CACNA1G: variants seen among roughly 807,000 people sequenced by gnomAD.
CACNA1G encodes the protein calcium voltage-gated channel subunit alpha1 G, also known as voltage-dependent T-type calcium channel subunit alpha-1G.
In CACNA1G, 67 loss-of-function variants were observed where a neutral mutation model predicts 219.4. The observed-to-expected ratio is 0.31, with a 90% CI of 0.25 to 0.37. The LOEUF is 0.37. CACNA1G is among the 10% of genes least tolerant of loss of function. The probability of loss-of-function intolerance (pLI) is 1.00; values close to 1 mark genes in which losing one functional copy is unlikely to be tolerated. For missense variants in CACNA1G, 2,380 were observed against 3,231.4 expected (o/e 0.74, Z 6.39); for synonymous variants, 1,296 against 1,345.3 (o/e 0.96, Z 0.80).
chr17:50,612,604 C>T (rs917009782), intron 26 of CACNA1G, among the ~76,000 whole-genome samples: 2 of 152,228 alleles, frequency 1.3e-5, no homozygotes, highest in African/African-American at 4.8e-5. Context: ...TTGGGAGTGA[C>T]CCCTGTCTTC....
chr17:50,584,600 G>A (rs2042629967), intron 9 of CACNA1G, among the ~76,000 whole-genome samples: 1 of 151,614 alleles, frequency 6.6e-6, no homozygotes, highest in Admixed American at 6.6e-5. Context: ...GGAGCCGGGG[G>A]CGGGGGTAGG....
chr17:50,617,599 T>C lies in CACNA1G; in HGVS notation c.5155+28T>C. 6.2e-7 allele frequency: 1 copy of C among 1,609,316 alleles called. No individual in the cohort carries two copies. The highest frequency in any genetic ancestry group is 8.5e-7 in the Non-Finnish European group (1 of 1,176,940). On this transcript the variant is annotated intron_variant, in intron 29 of 37. Transcript: ENST00000359106. The surrounding 1 kb of genome is among the most constrained non-coding windows in gnomAD (Gnocchi z 5.8). The stretch of plus-strand genomic sequence containing the variant: ...TGGTGCCCAGCCCACGCACCTGCCC[T>C]CCTAGGGTGACCAGCCCAGGGAGAG...
chr17:50,607,086 A>G, intron 24 of CACNA1G, 97 bp downstream of exon 24: 4 of 937,336 alleles, frequency 4.3e-6, no homozygotes, highest in South Asian at 2.7e-5. Context: ...GCAAAATGCC[A>G]TGAAAGAAGC....
intron 28 of CACNA1G, among the ~76,000 whole-genome samples, chr17:50,616,635 CCT>C (rs1344142878): frequency 3.3e-5 from 5 of 152,148 alleles, no homozygotes; most frequent in Non-Finnish European, 7.3e-5. Flanking sequence ...ATCAGTGTGA[CCT>C]AGCCTGGGGC....
intron 8 of CACNA1G, 146 bp downstream of exon 8, chr17:50,576,472 C>T: frequency 1.3e-6 from 1 of 761,044 alleles, no homozygotes; most frequent in Non-Finnish European, 2.2e-6. Flanking sequence ...CAACCAGTCA[C>T]ATCCCTGCTA....
intron 9 of CACNA1G, among the ~76,000 whole-genome samples, chr17:50,581,598 C>T (rs866840513): frequency 2.6e-5 from 4 of 152,214 alleles, no homozygotes; most frequent in South Asian, 2.1e-4. Context: ...ATATGTGATA[C>T]CCCACCCCGC....
chr17:50,568,254 A>G (rs1473286242), intron 1 of CACNA1G, among the ~76,000 whole-genome samples: 1 of 152,084 alleles, frequency 6.6e-6, no homozygotes, highest in Non-Finnish European at 1.5e-5. Flanking sequence ...ATCATAGATC[A>G]GGAGCTTGGA....
intron 35 of CACNA1G, 96 bp from the exon 36 acceptor site, chr17:50,623,811 C>T (rs923125318): frequency 2.4e-5 from 31 of 1,309,478 alleles, no homozygotes; most frequent in Non-Finnish European, 3.0e-5. Context: ...GAGGGCTGGG[C>T]GGGGGGCGCT....
intron 7 of CACNA1G, 58 bp downstream of exon 7, chr17:50,573,171 C>A: frequency 7.8e-7 from 1 of 1,275,828 alleles, no homozygotes; most frequent in Non-Finnish European, 1.1e-6. Context: ...CCTGTGGGGG[C>A]AGTCCAGAGA....
chr17:50,589,936 G>C (rs1266313315), intron 9 of CACNA1G, among the ~76,000 whole-genome samples: 1 of 151,990 alleles, frequency 6.6e-6, no homozygotes, highest in Non-Finnish European at 1.5e-5. Flanking sequence ...GTGTGTGTGT[G>C]TGTGTGTGTG....
intron 9 of CACNA1G, among the ~76,000 whole-genome samples, chr17:50,587,923 C>T (rs734577): frequency 2.0e-5 from 3 of 151,834 alleles, no homozygotes; most frequent in Admixed American, 2.0e-4. Context: ...CTGAGAGCCC[C>T]GTGGATAACA....
At chr17:50,575,148 T>C (rs1271822591) in intron 7 of CACNA1G, among the ~76,000 whole-genome samples, 1 of 152,204 alleles carries the variant, frequency 6.6e-6, no homozygotes, top group African/African-American at 2.4e-5. Context: ...TTCCACAGCA[T>C]TCGCTACTCC....
Position 50,590,530 on chromosome 17 carries a change from C to A in CACNA1G, c.2361C>A (p.Ala787=). 2 of 1,613,934 alleles carry A rather than the reference C, an allele frequency of 1.2e-6. No individual in the cohort carries two copies. Among genetic ancestry groups the A allele is most frequent in the Non-Finnish European group, 1.7e-6 (2 of 1,179,846 alleles). Residue 787 remains alanine (A), a synonymous_variant, in exon 10 of 38, where the codon GCC becomes GCA. Coordinates refer to ENST00000359106, the MANE Select transcript of CACNA1G (RefSeq NM_018896.5). ...ACATCGTCTTCACCAGCCTCTTTGC[C>A]CTGGAGATGCTGCTGAAGCTGCTTG... ...ISNIVFTSLF[A]LEMLLKLLVY...
intron 26 of CACNA1G, among the ~76,000 whole-genome samples, chr17:50,614,598 T>C (rs2050019716): frequency 6.6e-6 from 1 of 152,246 alleles, no homozygotes; most frequent in South Asian, 2.1e-4. Context: ...AGAAATATTA[T>C]GCCTCTGACA....
Position 50,626,542 on chromosome 17 carries a change from C to A in CACNA1G, c.6925C>A (p.Pro2309Thr). The change falls in exon 38 of 38, where the codon CCT becomes ACT. Residue 2309 changes from proline (P) to threonine (T), a missense_variant. Transcript: ENST00000359106. The surrounding 1 kb of genome is among the most constrained non-coding windows in gnomAD (Gnocchi z 4.3). Reference sequence around the variant, plus strand: ...CCGGCCCAAGAAAAAACTCAGCCCGCCTAGTATCACCATAGACCCCCCCGA... The same window carrying A: ...CCGGCCCAAGAAAAAACTCAGCCCGACTAGTATCACCATAGACCCCCCCGA... ...GSRPKKKLSPPSITIDPPESQ... is the reference protein window; with the variant it reads ...GSRPKKKLSPTSITIDPPESQ... 1 of 1,577,908 alleles carries A rather than the reference C, an allele frequency of 6.3e-7. No individual in the cohort carries two copies. The highest frequency in any genetic ancestry group is 1.9e-5 in the Admixed American group (1 of 53,670).
At chr17:50,589,912 CTGTGTGTGTGTG>C (rs58484176) in intron 9 of CACNA1G, among the ~76,000 whole-genome samples, 7 of 141,836 alleles carry the variant, frequency 4.9e-5, no homozygotes, top group South Asian at 4.4e-4. Context: ...CTCTCTCTCT[CTGTGTGTGTGTG>C]TGTGTGTGTG....
chr17:50,607,363 G>C, intron 24 of CACNA1G: 3 of 363,678 alleles, frequency 8.2e-6, no homozygotes, highest in Non-Finnish European at 1.6e-5. Flanking sequence ...ACAATTAGCC[G>C]GGTGTGGTGG....
At chr17:50,587,800 C>A (rs1441890773) in intron 9 of CACNA1G, among the ~76,000 whole-genome samples, 1 of 152,016 alleles carries the variant, frequency 6.6e-6, no homozygotes, top group Non-Finnish European at 1.5e-5. Flanking sequence ...TGAGGCAAGC[C>A]TTATGGGACG....
chr17:50,564,519 G>C (rs1276409461), intron 1 of CACNA1G, among the ~76,000 whole-genome samples: 10 of 146,310 alleles, frequency 6.8e-5, no homozygotes, highest in East Asian at 2.1e-4. Flanking sequence ...GGGAGGAGAG[G>C]GGGGGGAGGC....
Sources: gnomAD v4.1 joint callset for allele counts (sites outside exome capture counted in the v4.1 genomes callset) on GRCh38, gnomAD v4.1.1 for gene constraint, Gnocchi (gnomAD v3.1) non-coding constraint, MANE v1.5 for transcripts, NCBI Gene and HGNC (gene_info 2026-07-23, HGNC 2026-07-21) for gene names.